The following ITIH2 variants were observed in gnomAD, a reference collection of about 807,000 sequenced individuals.
ITIH2 encodes the protein inter-alpha-trypsin inhibitor heavy chain H2.
Under a neutral mutation model 104.4 loss-of-function variants are expected in ITIH2, and 103 were observed. That is an observed-to-expected ratio of 0.99 (90% CI 0.84 to 1.16). ITIH2 has a LOEUF of 1.16. Among genes scored for constraint, ITIH2 ranks in the 50% most tolerant of loss-of-function variants. ITIH2 has a pLI of 0.00. For synonymous variants in ITIH2, 436 were observed against 435.4 expected (o/e 1.00, Z -0.02); for missense variants, 1,108 against 1,162.4 (o/e 0.95, Z 0.68).
intron 9 of ITIH2, among the ~76,000 whole-genome samples, 156 bp downstream of exon 9, chr10:7,723,723 C>G (rs111310985): frequency 0.012 from 1,846 of 152,254 alleles, 40 homozygotes; most frequent in African/African-American, 0.042. Flanking sequence ...TAAAATTTTG[C>G]TATTATTGCA....
At chr10:7,739,618 CCATGGCTCACA>C (rs1835105441) in intron 16 of ITIH2, among the ~76,000 whole-genome samples, 2 of 152,058 alleles carry the variant, frequency 1.3e-5, no homozygotes, top group South Asian at 4.2e-4. Flanking sequence ...CAGGCAAGGC[CCATGGCTCACA>C]CTTGTAATCC....
At chr10:7,723,373 C>CT in intron 8 of ITIH2, 78 bp from the exon 9 acceptor site, 1 of 916,206 alleles carries the variant, frequency 1.1e-6, no homozygotes, top group African/African-American at 1.6e-5. Flanking sequence ...CCTCTCTTCT[C>CT]TGAGTCCCCA....
intron 15 of ITIH2, among the ~76,000 whole-genome samples, chr10:7,737,687 TATATTCTATATA>T (rs1315946621): frequency 0.091 from 1,021 of 11,268 alleles, 270 homozygotes; most frequent in African/African-American, 0.29. Flanking sequence ...TTTTCTATAT[TATATTCTATATA>T]ATATTCTATA....
intron 4 of ITIH2, among the ~76,000 whole-genome samples, chr10:7,712,116 G>C (rs1049596112): frequency 6.6e-6 from 1 of 152,104 alleles, no homozygotes. Flanking sequence ...ATAATATTCT[G>C]TCTTCATCAG....
At chr10:7,715,928 A>T (rs1284310976) in intron 5 of ITIH2, among the ~76,000 whole-genome samples, 1 of 151,888 alleles carries the variant, frequency 6.6e-6, no homozygotes, top group Non-Finnish European at 1.5e-5. Flanking sequence ...TTTAGGAGAG[A>T]CAGGGCTCAC....
intron 11 of ITIH2, among the ~76,000 whole-genome samples, chr10:7,729,223 G>A (rs892338401): frequency 2.0e-5 from 3 of 152,090 alleles, no homozygotes; most frequent in African/African-American, 7.2e-5. Flanking sequence ...TGAGACAGGA[G>A]AATCCCTTGA....
In ITIH2 at chr10:7,744,898, T is replaced by C. The variant is rs200992957; in HGVS notation, c.2516T>C (p.Val839Ala). 1.2e-4 allele frequency: 201 copies of C among 1,614,180 alleles called. No individual in the cohort carries two copies. The highest frequency in any genetic ancestry group is 1.2e-3 in the Middle Eastern group (7 of 6,060). Residue 839 changes from valine to alanine, a missense_variant, in exon 19 of 21, where the codon GTT becomes GCT. Transcript: ENST00000358415. ...HRVWKKHPVN[V>A]DFLGIYIPPT... is the part of the protein sequence containing the mutation. Reference sequence around the variant, plus strand: ...GTTTGGAAGAAGCATCCCGTCAATGTTGACTTTCTGGGAATCTACATACCC... The same window carrying C: ...GTTTGGAAGAAGCATCCCGTCAATGCTGACTTTCTGGGAATCTACATACCC...
chr10:7,717,194 C>T (rs1044070207), intron 5 of ITIH2, among the ~76,000 whole-genome samples: 3 of 152,070 alleles, frequency 2.0e-5, no homozygotes, highest in Non-Finnish European at 2.9e-5. Context: ...CCTCGTGATC[C>T]GCCTGCCTCG....
rs776516388 is a variant in ITIH2 at position 7,723,578 on chromosome 10, C to T, written c.984+11C>T. ...GTTAAAATGAAACAAGTAAGTACCC[C>T]CTTGTTTGCAGTGGTTGGGGGGATT... On this transcript the variant is annotated intron_variant, in intron 9 of 20. Coordinates refer to ENST00000358415, the MANE Select transcript of ITIH2 (RefSeq NM_002216.3). 1.3e-6 allele frequency: 2 copies of T among 1,502,842 alleles called. No individual in the cohort carries two copies. Among genetic ancestry groups the T allele is most frequent in the African/African-American group, 2.8e-5 (2 of 72,690 alleles). The allele number at this position is 1,502,842 out of a possible 1,614,324, so 93.1% of individuals were successfully genotyped here.
At chr10:7,737,406 C>CAT (rs375717121) in intron 15 of ITIH2, among the ~76,000 whole-genome samples, 16,710 of 121,400 alleles carry the variant, frequency 0.14, 1,102 homozygotes, top group East Asian at 0.23. Context: ...GTATATATCT[C>CAT]ATATATATAT....
At chr10:7,744,420 A>C in intron 18 of ITIH2, 140 bp downstream of exon 18, 1 of 765,576 alleles carries the variant, frequency 1.3e-6, no homozygotes, top group Non-Finnish European at 2.1e-6. Context: ...AATTGTTCTC[A>C]CTCCCTACTC....
At chr10:7,725,157 G>T (rs535997560) in intron 9 of ITIH2, among the ~76,000 whole-genome samples, 1 of 152,202 alleles carries the variant, frequency 6.6e-6, no homozygotes, top group Admixed American at 6.5e-5. Flanking sequence ...TACGTTCAAT[G>T]GCAGCATTTT....
intron 14 of ITIH2, among the ~76,000 whole-genome samples, chr10:7,734,346 C>T (rs1275656856): frequency 6.6e-6 from 1 of 152,170 alleles, no homozygotes; most frequent in Non-Finnish European, 1.5e-5. Flanking sequence ...ATCTTGATAC[C>T]TTCTGCATAA....
intron 16 of ITIH2, among the ~76,000 whole-genome samples, chr10:7,740,392 G>A (rs1157828945): frequency 6.6e-6 from 1 of 152,100 alleles, no homozygotes; most frequent in Non-Finnish European, 1.5e-5. Context: ...AGTTAACAGC[G>A]GCAAACGTCT....
At position 7,749,171 on chromosome 10, in the gene ITIH2, C is replaced by A. The variant is rs1451113550; in HGVS notation, c.2694-16C>A. The A allele has an allele frequency of 1.2e-6, 2 of 1,613,652 alleles. No homozygotes were observed. Among genetic ancestry groups the A allele is most frequent in the East Asian group, 2.2e-5 (1 of 44,860 alleles). Reference sequence around the variant, plus strand: ...TGCTCAGTCTCCCCCTAACCACATGCCTTGCTTCCTTGCAGGGGCTTACAG... The same window carrying A: ...TGCTCAGTCTCCCCCTAACCACATGACTTGCTTCCTTGCAGGGGCTTACAG... On this transcript the variant is annotated splice_polypyrimidine_tract_variant and intron_variant, in intron 20 of 20. Transcript: ENST00000358415.
At chr10:7,723,008 GGTGGAGTGGAGTGGCGTGCA>G (rs1369569541) in intron 8 of ITIH2, among the ~76,000 whole-genome samples, 1 of 141,860 alleles carries the variant, frequency 7.0e-6, no homozygotes, top group Non-Finnish European at 1.5e-5. Context: ...CGTGAAGTCG[GGTGGAGTGGAGTGGCGTGCA>G]GTGGAGTGGG....
At chr10:7,731,744 A>G in intron 12 of ITIH2, 67 bp from the exon 13 acceptor site, 1 of 1,144,426 alleles carries the variant, frequency 8.7e-7, no homozygotes, top group Non-Finnish European at 1.2e-6. Context: ...AAATAAATAA[A>G]ATAAAATGCT....
chr10:7,716,735 CAA>C (rs61703360), intron 5 of ITIH2, among the ~76,000 whole-genome samples: 4,340 of 58,662 alleles, frequency 0.074, 165 homozygotes, highest in African/African-American at 0.19. Context: ...GACCCCAGCT[CAA>C]AAAAAAAAAA....
chr10:7,727,091 T>C lies in ITIH2; in HGVS notation c.1126T>C (p.Tyr376His), dbSNP rs760594995. ...AACACAGGTTGCAGATGCCAAGAGG[T>C]ATATTGAGAAAATCCAGCCCAGTGG... is the stretch of plus-strand genomic sequence containing the variant. The part of the protein sequence containing the change: ...TKTQVADAKR[Y>H]IEKIQPSGGT... Residue 376 changes from tyrosine to histidine, a missense_variant, in exon 10 of 21, where the codon TAT becomes CAT. Coordinates refer to ENST00000358415, the MANE Select transcript of ITIH2 (RefSeq NM_002216.3). 169 of 1,613,928 alleles carry C rather than the reference T, an allele frequency of 1.0e-4. No individual in the cohort carries two copies. The highest frequency in any genetic ancestry group is 1.7e-4 in the Admixed American group (10 of 60,000).
Sources: gnomAD v4.1 joint callset for allele counts (sites outside exome capture counted in the v4.1 genomes callset) on GRCh38, gnomAD v4.1.1 for gene constraint, MANE v1.5 for transcripts, NCBI Gene and HGNC (gene_info 2026-07-23, HGNC 2026-07-21) for gene names.